Variants in GRIP1 observed in about 807,000 individuals in gnomAD.
GRIP1 encodes the protein glutamate receptor interacting protein 1, also known as glutamate receptor-interacting protein 1.
In GRIP1, 45 loss-of-function variants were observed where a neutral mutation model predicts 129.9. That is an observed-to-expected ratio of 0.35 (90% confidence interval 0.27 to 0.44). GRIP1 has a LOEUF of 0.44. GRIP1 is among the 20% of genes least tolerant of loss of function. The pLI, the probability that GRIP1 is intolerant of heterozygous loss-of-function variation, is 1.00. For synonymous variants in GRIP1, 530 were observed against 520.8 expected, an observed-to-expected ratio of 1.02 and a Z score of -0.24; for missense variants, 1,196 against 1,396.8, an observed-to-expected ratio of 0.86 and a Z score of 2.29.
At chr12:66,815,042 G>T (rs1365050849) in intron 1 of GRIP1, among the ~76,000 whole-genome samples, 3 of 152,086 alleles carry the variant, frequency 2.0e-5, no homozygotes, top group Non-Finnish European at 2.9e-5. Context: ...TGAGATTTTG[G>T]GTGGGGGATA....
chr12:66,857,836 G>A (rs186498465), intron 1 of GRIP1, among the ~76,000 whole-genome samples: 32 of 152,084 alleles, frequency 2.1e-4, no homozygotes, highest in African/African-American at 7.7e-4. Flanking sequence ...AAAGACTGGA[G>A]GACACTTGAG....
intron 15 of GRIP1, among the ~76,000 whole-genome samples, chr12:66,415,468 G>A (rs1301656220): frequency 6.6e-6 from 1 of 152,162 alleles, no homozygotes; most frequent in Non-Finnish European, 1.5e-5. Context: ...TTACATGGTT[G>A]GTGGGAATGT....
chr12:66,493,341 C>T (rs1199265536), intron 7 of GRIP1, among the ~76,000 whole-genome samples: 1 of 152,118 alleles, frequency 6.6e-6, no homozygotes. Context: ...GTAAATGATG[C>T]TAATATTCAA....
At chr12:66,512,514 G>C (rs2060728934) in intron 7 of GRIP1, among the ~76,000 whole-genome samples, 1 of 148,478 alleles carries the variant, frequency 6.7e-6, no homozygotes, top group South Asian at 2.1e-4. Context: ...TATTACAATG[G>C]AAGTCCATAA....
Position 66,986,231 on chromosome 12 carries a change from G to A in GRIP1, c.58+82819C>T, listed in dbSNP as rs999221149. Among the ~76,000 whole-genome samples the A allele has an allele frequency of 3.3e-5, 5 of 152,102 alleles. No individual in the cohort carries two copies. The South Asian group carries it at 6.2e-4, about 19-fold the overall frequency. On this transcript the variant is annotated intron_variant, in intron 1 of 1. Coordinates refer to the GRIP1 transcript ENST00000643019. ...AGGAACACTTTTACACTGTTGGTGG[G>A]ACTGTAAACTAGTTCAACCATTATG...
chr12:66,729,193 A>G (rs2036351194), intron 1 of GRIP1, among the ~76,000 whole-genome samples: 1 of 152,090 alleles, frequency 6.6e-6, no homozygotes, highest in Non-Finnish European at 1.5e-5. Context: ...TAACTAAAAC[A>G]TGCTAGTCTT....
At chr12:66,785,660 G>C (rs1566021349) in intron 1 of GRIP1, among the ~76,000 whole-genome samples, 2 of 152,138 alleles carry the variant, frequency 1.3e-5, no homozygotes, top group South Asian at 2.1e-4. Flanking sequence ...TACTCTGCCT[G>C]AAATTCCATC....
intron 2 of GRIP1, 105 bp downstream of exon 2, chr12:66,596,742 T>TTTA (rs910067759): frequency 1.8e-4 from 98 of 546,410 alleles, no homozygotes; most frequent in South Asian, 1.2e-3. Context: ...AATAACATGA[T>TTTA]TTATTATTAT....
intron 1 of GRIP1, among the ~76,000 whole-genome samples, chr12:66,984,342 A>G (rs1000515084): frequency 6.6e-6 from 1 of 152,212 alleles, no homozygotes; most frequent in Non-Finnish European, 1.5e-5. Flanking sequence ...CAGCCTGTCC[A>G]ATTTATCATA....
At chr12:66,578,231 G>GTTTTTTTTTTT (rs1462512737) in intron 2 of GRIP1, among the ~76,000 whole-genome samples, 12 of 31,516 alleles carry the variant, frequency 3.8e-4, no homozygotes, top group Middle Eastern at 0.014. Context: ...GCAAAACCGC[G>GTTTTTTTTTTT]GTTTTTTTTT....
chr12:66,793,429 C>T (rs1043002881), intron 1 of GRIP1, among the ~76,000 whole-genome samples: 1 of 152,084 alleles, frequency 6.6e-6, no homozygotes, highest in Non-Finnish European at 1.5e-5. Flanking sequence ...ATACATCAGT[C>T]CCTAATTTCA....
chr12:66,902,917 A>G (rs1219536150), intron 1 of GRIP1, among the ~76,000 whole-genome samples: 1 of 152,222 alleles, frequency 6.6e-6, no homozygotes, highest in Non-Finnish European at 1.5e-5. Context: ...GGTACTAGGG[A>G]AAGCTTCACA....
intron 1 of GRIP1, among the ~76,000 whole-genome samples, chr12:66,746,842 T>C (rs1259837688): frequency 6.6e-6 from 1 of 152,218 alleles, no homozygotes; most frequent in Non-Finnish European, 1.5e-5. Flanking sequence ...AATTGACAGT[T>C]TACAGGAAAG....
At chr12:66,940,551 A>T (rs899086931) in intron 1 of GRIP1, among the ~76,000 whole-genome samples, 1 of 152,138 alleles carries the variant, frequency 6.6e-6, no homozygotes, top group Non-Finnish European at 1.5e-5. Flanking sequence ...ATCATATACT[A>T]TGTATTAAAA....
In GRIP1 at chr12:66,538,217, T is replaced by A. The variant is rs548616922; in HGVS notation, c.418+861A>T. On this transcript the variant is annotated intron_variant, in intron 4 of 24. Coordinates refer to ENST00000359742, the MANE Select transcript of GRIP1 (RefSeq NM_001366722.1). ...TTGCTGTACTTTTTTTTTTTTTTTT[T>A]TAAACAGGGTTTTGCTCTGTCACCT... 5.5e-5 allele frequency among the ~76,000 whole-genome samples: 8 copies of A among 146,482 alleles called. No homozygotes were observed. In the South Asian group the frequency reaches 8.7e-4, roughly 16 times the overall value.
At chr12:66,913,913 A>G (rs1463156272) in intron 1 of GRIP1, among the ~76,000 whole-genome samples, 1 of 152,180 alleles carries the variant, frequency 6.6e-6, no homozygotes, top group African/African-American at 2.4e-5. Context: ...GTATTTAAAT[A>G]CTGATTTTGA....
chr12:66,499,920 GGA>G lies in GRIP1; in HGVS notation c.724+15697_724+15698del, dbSNP rs1592437790. ...AGCTACTCAGGAGGCTGAGGTGGGAGGATAGCTTGAGCCCAGGGGGTCAGGGC... is the reference window on the plus strand; with the variant it reads ...AGCTACTCAGGAGGCTGAGGTGGGAGTAGCTTGAGCCCAGGGGGTCAGGGC... On this transcript the variant is annotated intron_variant, in intron 7 of 24. Transcript: ENST00000359742. Among the ~76,000 whole-genome samples the G allele has an allele frequency of 1.4e-4, 22 of 152,202 alleles. No individual in the cohort carries two copies. The East Asian group carries it at 4.2e-3, about 29-fold the overall frequency.
At chr12:66,762,425 C>T (rs1381902546) in intron 1 of GRIP1, among the ~76,000 whole-genome samples, 2 of 152,162 alleles carry the variant, frequency 1.3e-5, no homozygotes, top group Non-Finnish European at 2.9e-5. Context: ...TCTTAGTCTT[C>T]TTATTAGTCT....
rs987213040 is a variant in GRIP1 at position 66,800,462 on chromosome 12, C to G, written c.-420+3591G>C. On this transcript the variant is annotated intron_variant, in intron 1 of 4. Coordinates refer to the GRIP1 transcript ENST00000538373. ...AATTCTTCTTTCTCAAGTAATTCAGCTGCATGGACAGCAAGAGGTCAGGAT... is the reference window on the plus strand; with the variant it reads ...AATTCTTCTTTCTCAAGTAATTCAGGTGCATGGACAGCAAGAGGTCAGGAT... Among the ~76,000 whole-genome samples the G allele has an allele frequency of 2.6e-5, 4 of 152,132 alleles. No individual in the cohort carries two copies. The South Asian group carries it at 8.3e-4, about 31-fold the overall frequency.
Sources: allele counts gnomAD v4.1 joint callset (sites outside exome capture counted in the v4.1 genomes callset), GRCh38; gene constraint gnomAD v4.1.1; transcripts MANE v1.5; gene names NCBI Gene and HGNC (gene_info 2026-07-23, HGNC 2026-07-21).